Variants in GPR39 observed in about 807,000 individuals in gnomAD.
GPR39 encodes zinc sensing receptor.
Under a neutral mutation model 18.4 loss-of-function variants are expected in GPR39, and 23 were observed. The observed-to-expected ratio is 1.25, with a 90% CI of 0.90 to 1.77. The LOEUF (loss-of-function observed/expected upper bound fraction) is 1.77. GPR39 is among the 40% of genes most tolerant of loss of function. The probability of loss-of-function intolerance (pLI) is 0.00; values close to 1 mark genes in which losing one functional copy is unlikely to be tolerated. For synonymous variants in GPR39, 280 were observed against 257.9 expected (o/e 1.09, Z -0.82); for missense variants, 647 against 602.4 (o/e 1.07, Z -0.78).
At chr2:132,528,430 T>C (rs1169405945) in intron 1 of GPR39, among the ~76,000 whole-genome samples, 1 of 152,330 alleles carries the variant, frequency 6.6e-6, no homozygotes, top group Middle Eastern at 3.4e-3. Context: ...TATGGTTCCA[T>C]ATGAAATTTA....
chr2:132,487,062 CAG>C (rs1343478524), intron 1 of GPR39, among the ~76,000 whole-genome samples: 7 of 152,192 alleles, frequency 4.6e-5, no homozygotes, highest in African/African-American at 1.7e-4. Flanking sequence ...CATTGTGTCT[CAG>C]GGAATACGGA....
At chr2:132,549,696 G>A (rs1558835876) in intron 1 of GPR39, among the ~76,000 whole-genome samples, 1 of 152,130 alleles carries the variant, frequency 6.6e-6, no homozygotes, top group Admixed American at 6.5e-5. Context: ...GCTGAGGCAG[G>A]AGAATCGCTT....
intron 1 of GPR39, among the ~76,000 whole-genome samples, chr2:132,596,658 G>T (rs891892386): frequency 4.6e-5 from 7 of 150,888 alleles, no homozygotes; most frequent in African/African-American, 1.7e-4. Flanking sequence ...TCAACTCTTT[G>T]TCTCTCATGT....
At chr2:132,480,355 C>A (rs115587716) in intron 1 of GPR39, among the ~76,000 whole-genome samples, 5 of 152,186 alleles carry the variant, frequency 3.3e-5, no homozygotes, top group African/African-American at 1.2e-4. Context: ...TGTGAATGTA[C>A]ATAACACTAC....
At chr2:132,572,953 C>T (rs954472688) in intron 1 of GPR39, among the ~76,000 whole-genome samples, 1 of 152,138 alleles carries the variant, frequency 6.6e-6, no homozygotes, top group Non-Finnish European at 1.5e-5. Flanking sequence ...GTGGGTTCCC[C>T]AAGTGGAGGA....
chr2:132,548,314 T>C lies in GPR39; in HGVS notation c.857-96787T>C, dbSNP rs561797651. ...CTATTGCTAAAGGTCTTCTGGAACA[T>C]TCCACTTGGGGGTCTTACCCTTAAA... On this transcript the variant is annotated intron_variant, in intron 1 of 1. Coordinates refer to ENST00000329321, the MANE Select transcript of GPR39 (RefSeq NM_001508.3). Among the ~76,000 whole-genome samples the C allele has an allele frequency of 3.3e-5, 5 of 152,342 alleles. No individual in the cohort carries two copies. In the South Asian group the frequency reaches 6.2e-4, roughly 19 times the overall value.
intron 1 of GPR39, among the ~76,000 whole-genome samples, chr2:132,487,497 C>T (rs1471090709): frequency 6.6e-6 from 1 of 152,086 alleles, no homozygotes; most frequent in Admixed American, 6.5e-5. Flanking sequence ...TTAATAGACA[C>T]AGATTATAAC....
intron 1 of GPR39, among the ~76,000 whole-genome samples, chr2:132,455,741 C>A (rs1021163658): frequency 1.3e-5 from 2 of 152,108 alleles, no homozygotes; most frequent in East Asian, 3.9e-4. Flanking sequence ...GTTATGTACC[C>A]AGTAGTCATT....
At chr2:132,525,135 C>T (rs367993187) in intron 1 of GPR39, among the ~76,000 whole-genome samples, 8 of 152,186 alleles carry the variant, frequency 5.3e-5, no homozygotes, top group African/African-American at 1.9e-4. Context: ...TCCCATGAAG[C>T]CCGTGGGTTT....
intron 1 of GPR39, among the ~76,000 whole-genome samples, chr2:132,602,881 A>AAC (rs1553459519): frequency 6.6e-6 from 1 of 151,240 alleles, no homozygotes; most frequent in Non-Finnish European, 1.5e-5. Flanking sequence ...GAAAAAAAAA[A>AAC]AAAACAAATG....
intron 1 of GPR39, among the ~76,000 whole-genome samples, chr2:132,435,135 A>G (rs1680289142): frequency 6.6e-6 from 1 of 152,180 alleles, no homozygotes; most frequent in African/African-American, 2.4e-5. Context: ...AAGGGCTGGT[A>G]CCATATGGAA....
At chr2:132,567,828 G>T (rs949549841) in intron 1 of GPR39, among the ~76,000 whole-genome samples, 27 of 152,004 alleles carry the variant, frequency 1.8e-4, no homozygotes, top group African/African-American at 5.8e-4. Flanking sequence ...TTTCCTGTGC[G>T]GTTCTCATGA....
intron 1 of GPR39, among the ~76,000 whole-genome samples, chr2:132,590,007 A>T (rs1680800156): frequency 6.6e-6 from 1 of 152,236 alleles, no homozygotes; most frequent in Non-Finnish European, 1.5e-5. Flanking sequence ...ATTTGAACAA[A>T]AACATGCCTT....
At chr2:132,632,275 G>C (rs1180840739) in intron 1 of GPR39, among the ~76,000 whole-genome samples, 2 of 152,060 alleles carry the variant, frequency 1.3e-5, no homozygotes, top group African/African-American at 2.4e-5. Flanking sequence ...AAGCTAGTTT[G>C]CTTCTTTTTA....
intron 1 of GPR39, among the ~76,000 whole-genome samples, chr2:132,515,782 T>C (rs1679321871): frequency 6.6e-6 from 1 of 152,154 alleles, no homozygotes; most frequent in South Asian, 2.1e-4. Flanking sequence ...AGGGAAGGAA[T>C]GTCACACAGA....
chr2:132,519,254 C>A (rs377744016), intron 1 of GPR39, among the ~76,000 whole-genome samples: 1 of 151,120 alleles, frequency 6.6e-6, no homozygotes, highest in East Asian at 1.9e-4. Flanking sequence ...AGAGCTTCAC[C>A]AATTGTGGCC....
At chr2:132,547,003 A>C (rs1392894949) in intron 1 of GPR39, among the ~76,000 whole-genome samples, 1 of 152,130 alleles carries the variant, frequency 6.6e-6, no homozygotes, top group Non-Finnish European at 1.5e-5. Context: ...GGGTATTTTC[A>C]AAAAGTGGTC....
At chr2:132,526,028 T>A (rs1442828757) in intron 1 of GPR39, among the ~76,000 whole-genome samples, 1 of 152,304 alleles carries the variant, frequency 6.6e-6, no homozygotes, top group Non-Finnish European at 1.5e-5. Flanking sequence ...AGGTCTGTGA[T>A]CCCAGACCCC....
intron 1 of GPR39, among the ~76,000 whole-genome samples, chr2:132,591,278 CAAA>C (rs1325880889): frequency 1.2e-4 from 5 of 41,120 alleles, no homozygotes; most frequent in South Asian, 1.8e-3. Context: ...AAAAAAAAAA[CAAA>C]AAAAAACAGA....
Sources: allele counts gnomAD v4.1 joint callset (sites outside exome capture counted in the v4.1 genomes callset), GRCh38; gene constraint gnomAD v4.1.1; transcripts MANE v1.5; gene names NCBI Gene and HGNC (gene_info 2026-07-23, HGNC 2026-07-21).